Variants in CRIM1 observed in about 807,000 individuals in gnomAD.
CRIM1 encodes cysteine rich transmembrane BMP regulator 1, also known as cysteine-rich motor neuron 1 protein.
In CRIM1, 32 loss-of-function variants were observed where a neutral mutation model predicts 116.4. The ratio of observed to expected loss-of-function variants is 0.27; its 90% CI spans 0.21 to 0.37. The LOEUF (loss-of-function observed/expected upper bound fraction) is 0.37. CRIM1 is among the 10% of genes least tolerant of loss of function. The pLI, the probability that CRIM1 is intolerant of heterozygous loss-of-function variation, is 1.00. For missense variants in CRIM1, 1,331 were observed against 1,354.8 expected (o/e 0.98, Z 0.28); for synonymous variants, 590 against 509.2 (o/e 1.16, Z -2.13).
intron 4 of CRIM1, among the ~76,000 whole-genome samples, chr2:36,459,114 A>T (rs1384128388): frequency 6.6e-6 from 1 of 152,140 alleles, no homozygotes; most frequent in Non-Finnish European, 1.5e-5. Context: ...TGGAAAGTAC[A>T]AATTAAACTG....
rs558668047 is a variant in CRIM1 at position 36,483,815 on chromosome 2, T to C, written c.1372+4121T>C. ...AGACCCTTCATACAGATCTTCTTTT[T>C]AGTTGAGTGAGGGAGCAGACCCTGA... On this transcript the variant is annotated intron_variant, in intron 7 of 16. Transcript: ENST00000280527. 7.9e-5 allele frequency among the ~76,000 whole-genome samples: 12 copies of C among 152,318 alleles called. No individual in the cohort carries two copies. In the East Asian group the frequency reaches 1.9e-3, roughly 24 times the overall value.
Position 36,479,581 on chromosome 2 carries a change from A to G in CRIM1, c.1259A>G (p.Asp420Gly). ...CACGGAGACCGGTGGCGGGAAGACG[A>G]CTGCACATTCTGCCAGTGCGTCAAC... ...LAHGDRWREDDCTFCQCVNGE... is the reference protein window; with the variant it reads ...LAHGDRWREDGCTFCQCVNGE... The change falls in exon 7 of 17, where the codon GAC (aspartate) becomes GGC (glycine). Residue 420 changes from aspartate to glycine, a missense_variant. Asp to Gly is a moderately conservative substitution (Grantham distance 94, BLOSUM62 -1). Transcript: ENST00000280527. The G allele has an allele frequency of 6.2e-7, 1 of 1,614,254 alleles. No individual in the cohort carries two copies. Among genetic ancestry groups the G allele is most frequent in the Non-Finnish European group, 8.5e-7 (1 of 1,180,040 alleles).
chr2:36,363,257 GT>G (rs1481857150), intron 1 of CRIM1, among the ~76,000 whole-genome samples: 5 of 151,628 alleles, frequency 3.3e-5, no homozygotes, highest in African/African-American at 1.2e-4. Flanking sequence ...CTCTGCTTCT[GT>G]GTGTCTCAGT....
chr2:36,473,920 A>T (rs768544687), intron 5 of CRIM1, among the ~76,000 whole-genome samples: 41 of 151,958 alleles, frequency 2.7e-4, no homozygotes, highest in Non-Finnish European at 5.4e-4. Context: ...CAAATTAAGG[A>T]ACTCACAAAC....
chr2:36,422,110 A>G (rs113018327), intron 2 of CRIM1, among the ~76,000 whole-genome samples: 22 of 151,514 alleles, frequency 1.5e-4, no homozygotes, highest in African/African-American at 4.8e-4. Context: ...GAAGTGGCAG[A>G]ATTGGGATAC....
intron 12 of CRIM1, among the ~76,000 whole-genome samples, chr2:36,518,871 T>A (rs561976572): frequency 6.6e-6 from 1 of 152,216 alleles, no homozygotes; most frequent in Non-Finnish European, 1.5e-5. Context: ...CTTTTAGCTA[T>A]TTAGTTTACA....
chr2:36,377,657 T>C (rs921969254), intron 1 of CRIM1, among the ~76,000 whole-genome samples: 7 of 152,232 alleles, frequency 4.6e-5, no homozygotes, highest in Non-Finnish European at 1.0e-4. Context: ...AAGCACACAG[T>C]AAATGTACAT....
rs1166630315 is a variant in CRIM1 at position 36,537,497 on chromosome 2, C to T, written c.2574C>T (p.Pro858=). ...LCSTVSCPPL[P]CVEPINVEGS... The stretch of plus-strand genomic sequence containing the variant: ...CGACCGTCAGCTGCCCCCCTCTGCC[C>T]TGTGTTGAGCCCATCAACGTGGAAG... The change falls in exon 14 of 17, where the codon CCC becomes CCT. Residue 858 remains proline (P), a synonymous_variant. Coordinates refer to ENST00000280527, the MANE Select transcript of CRIM1 (RefSeq NM_016441.3). 3 of 1,613,942 alleles carry T rather than the reference C, an allele frequency of 1.9e-6. No individual in the cohort carries two copies. The highest frequency in any genetic ancestry group is 1.7e-6 in the Non-Finnish European group (2 of 1,179,980).
At chr2:36,370,615 G>C (rs780742852) in intron 1 of CRIM1, among the ~76,000 whole-genome samples, 1 of 152,124 alleles carries the variant, frequency 6.6e-6, no homozygotes, top group Non-Finnish European at 1.5e-5. Flanking sequence ...AAATAATCCA[G>C]GTTATTATAT....
chr2:36,507,531 C>A (rs1681515978), intron 8 of CRIM1, among the ~76,000 whole-genome samples: 1 of 152,190 alleles, frequency 6.6e-6, no homozygotes, highest in Non-Finnish European at 1.5e-5. Flanking sequence ...GCCTAGAGCT[C>A]CCTCTATTGG....
intron 7 of CRIM1, among the ~76,000 whole-genome samples, chr2:36,491,916 A>G (rs1680253832): frequency 6.6e-6 from 1 of 152,350 alleles, no homozygotes; most frequent in African/African-American, 2.4e-5. Flanking sequence ...ATGTAAGACA[A>G]GTATAAAAGA....
At chr2:36,534,391 GGGAA>G (rs1053896499) in intron 13 of CRIM1, among the ~76,000 whole-genome samples, 6 of 137,696 alleles carry the variant, frequency 4.4e-5, no homozygotes, top group Non-Finnish European at 8.0e-5. Flanking sequence ...GGGAGGGAGG[GGGAA>G]GGAAGGAAGG....
chr2:36,404,601 C>T (rs1413336235), intron 2 of CRIM1, among the ~76,000 whole-genome samples: 1 of 152,208 alleles, frequency 6.6e-6, no homozygotes, highest in East Asian at 1.9e-4. Context: ...CTCAGATTCA[C>T]TAGGGCAAAT....
chr2:36,414,419 A>G (rs934032162), intron 2 of CRIM1, among the ~76,000 whole-genome samples: 1 of 152,214 alleles, frequency 6.6e-6, no homozygotes, highest in Admixed American at 6.5e-5. Flanking sequence ...TCATTCATTC[A>G]TTCAACAAAT....
intron 5 of CRIM1, among the ~76,000 whole-genome samples, chr2:36,465,231 C>T (rs137865696): frequency 1.5e-4 from 23 of 152,274 alleles, no homozygotes; most frequent in African/African-American, 4.8e-4. Flanking sequence ...TCTTGGGTCA[C>T]GAGATTCCTT....
intron 2 of CRIM1, among the ~76,000 whole-genome samples, chr2:36,429,011 C>T (rs1572708610): frequency 6.6e-6 from 1 of 152,158 alleles, no homozygotes; most frequent in Admixed American, 6.5e-5. Flanking sequence ...TTTAGAGTTG[C>T]GCCTTCCCCT....
At chr2:36,544,943 C>T (rs1345800184) in intron 15 of CRIM1, among the ~76,000 whole-genome samples, 1 of 152,160 alleles carries the variant, frequency 6.6e-6, no homozygotes, top group Non-Finnish European at 1.5e-5. Context: ...TTCATGTGAG[C>T]TAAACTTATC....
intron 2 of CRIM1, among the ~76,000 whole-genome samples, chr2:36,440,980 T>A (rs1675773132): frequency 6.6e-6 from 1 of 152,232 alleles, no homozygotes; most frequent in Non-Finnish European, 1.5e-5. Context: ...TCCCTTCAGC[T>A]TTCTTCATTT....
intron 12 of CRIM1, among the ~76,000 whole-genome samples, chr2:36,519,152 G>A (rs1327472633): frequency 6.6e-6 from 1 of 152,174 alleles, no homozygotes; most frequent in Non-Finnish European, 1.5e-5. Flanking sequence ...CACTGGGGGA[G>A]GAAATGCCTC....
Sources: allele counts gnomAD v4.1 joint callset (sites outside exome capture counted in the v4.1 genomes callset), GRCh38; gene constraint gnomAD v4.1.1; transcripts MANE v1.5; gene names NCBI Gene and HGNC (gene_info 2026-07-23, HGNC 2026-07-21).